The following PTPRK variants were observed in gnomAD, a reference collection of about 807,000 sequenced individuals.
PTPRK encodes protein tyrosine phosphatase receptor type K.
Under a neutral mutation model 178.0 loss-of-function variants are expected in PTPRK, and 75 were observed. The ratio of observed to expected loss-of-function variants is 0.42; its 90% CI spans 0.35 to 0.51. PTPRK has a LOEUF of 0.51. Ranked by LOEUF, PTPRK falls within the 20% of genes least tolerant of loss-of-function variation. The pLI, the probability that PTPRK is intolerant of heterozygous loss-of-function variation, is 0.02. For missense variants in PTPRK, 1,441 were observed against 1,797.8 expected, an observed-to-expected ratio of 0.80 and a Z score of 3.59; for synonymous variants, 637 against 620.6, an observed-to-expected ratio of 1.03 and a Z score of -0.39.
chr6:128,312,375 G>A (rs1358280367), intron 3 of PTPRK, among the ~76,000 whole-genome samples: 1 of 152,198 alleles, frequency 6.6e-6, no homozygotes, highest in East Asian at 1.9e-4. Context: ...GGTTCCTGTG[G>A]AAGCCAACTG....
chr6:127,980,490 T>TAA (rs1238201731), intron 25 of PTPRK, among the ~76,000 whole-genome samples: 1 of 140,358 alleles, frequency 7.1e-6, no homozygotes, highest in Non-Finnish European at 1.6e-5. Flanking sequence ...AGACTCTGTC[T>TAA]AAAAAAAAAA....
chr6:128,205,444 GA>G (rs1266611082), intron 6 of PTPRK, among the ~76,000 whole-genome samples: 7 of 151,946 alleles, frequency 4.6e-5, no homozygotes, highest in Non-Finnish European at 8.8e-5. Context: ...CAAAAGGAAA[GA>G]AAGTGAAGAA....
intron 2 of PTPRK, among the ~76,000 whole-genome samples, chr6:128,393,766 T>C (rs1839929811): frequency 6.6e-6 from 1 of 152,240 alleles, no homozygotes; most frequent in Non-Finnish European, 1.5e-5. Flanking sequence ...TATCTTTTGT[T>C]CTAATCCATG....
intron 2 of PTPRK, among the ~76,000 whole-genome samples, chr6:128,383,479 A>G (rs1171798140): frequency 6.6e-6 from 1 of 152,238 alleles, no homozygotes; most frequent in Non-Finnish European, 1.5e-5. Flanking sequence ...TAGTGCATTA[A>G]CAACAGTTAA....
chr6:128,461,422 C>T (rs1442386679), intron 1 of PTPRK, among the ~76,000 whole-genome samples: 1 of 152,118 alleles, frequency 6.6e-6, no homozygotes, highest in Non-Finnish European at 1.5e-5. Context: ...AAATTTTGCA[C>T]ACACACCAAT....
intron 14 of PTPRK, among the ~76,000 whole-genome samples, chr6:128,008,293 A>G (rs140492587): frequency 2.9e-4 from 44 of 150,536 alleles, no homozygotes; most frequent in African/African-American, 1.0e-3. Context: ...AACCACTTCT[A>G]TACACCAAAC....
At chr6:128,497,310 T>TA (rs1854823688) in intron 1 of PTPRK, among the ~76,000 whole-genome samples, 1 of 152,120 alleles carries the variant, frequency 6.6e-6, no homozygotes, top group South Asian at 2.1e-4. Flanking sequence ...TATATATACT[T>TA]AAAAAATAAC....
At chr6:128,347,835 A>G (rs1188865638) in intron 2 of PTPRK, among the ~76,000 whole-genome samples, 1 of 152,134 alleles carries the variant, frequency 6.6e-6, no homozygotes, top group Admixed American at 6.6e-5. Context: ...TAACACTCCG[A>G]TCTCTACGTT....
At chr6:128,239,130 T>G (rs547671099) in intron 5 of PTPRK, among the ~76,000 whole-genome samples, 17 of 150,842 alleles carry the variant, frequency 1.1e-4, no homozygotes, top group African/African-American at 1.9e-4. Context: ...ATCTTGTTTT[T>G]TTTTTTTTTT....
chr6:128,156,260 T>C (rs1423046922), intron 7 of PTPRK, among the ~76,000 whole-genome samples: 1 of 151,902 alleles, frequency 6.6e-6, no homozygotes, highest in Non-Finnish European at 1.5e-5. Context: ...CAAGCTTTGA[T>C]AATAATCTGG....
chr6:128,355,438 T>C (rs534035954), intron 2 of PTPRK, among the ~76,000 whole-genome samples: 1 of 152,330 alleles, frequency 6.6e-6, no homozygotes, highest in East Asian at 1.9e-4. Flanking sequence ...TTTTGTGCCT[T>C]TAACACACAT....
chr6:128,199,128 C>T (rs938698876), intron 6 of PTPRK, among the ~76,000 whole-genome samples: 1 of 152,038 alleles, frequency 6.6e-6, no homozygotes, highest in African/African-American at 2.4e-5. Flanking sequence ...ACGTGCTACC[C>T]CAAAATGATC....
chr6:128,201,499 T>G (rs1357233760), intron 6 of PTPRK, among the ~76,000 whole-genome samples: 4 of 152,152 alleles, frequency 2.6e-5, no homozygotes, highest in African/African-American at 9.7e-5. Context: ...TAGTTTCAAA[T>G]ATAAACTACA....
At chr6:128,329,279 T>C (rs1214010187) in intron 2 of PTPRK, among the ~76,000 whole-genome samples, 4 of 151,780 alleles carry the variant, frequency 2.6e-5, no homozygotes, top group Non-Finnish European at 5.9e-5. Flanking sequence ...TTCACCAGAG[T>C]GTTGGATGTC....
In PTPRK at chr6:128,200,714, AAAAT is replaced by A. The variant is rs375235244; in HGVS notation, c.869-15993_869-15990del. ...GACAGAGAGAGACCCTGTCAAAAGT[AAAAT>A]AAATAAATAAAAGTTTTCTAATGCT... On this transcript the variant is annotated intron_variant, in intron 6 of 29. Coordinates refer to ENST00000368226, the MANE Select transcript of PTPRK (RefSeq NM_002844.4). 6.0e-4 allele frequency among the ~76,000 whole-genome samples: 91 copies of A among 151,542 alleles called. 3 individuals are homozygous for A. In the South Asian group the frequency reaches 0.019, roughly 32 times the overall value.
chr6:128,080,731 G>A (rs535592016), intron 10 of PTPRK, among the ~76,000 whole-genome samples: 14 of 151,800 alleles, frequency 9.2e-5, no homozygotes, highest in East Asian at 5.8e-4. Context: ...TGTAATTACC[G>A]GACTCAGGGA....
intron 7 of PTPRK, among the ~76,000 whole-genome samples, chr6:128,134,168 T>C (rs1288193799): frequency 1.3e-5 from 2 of 152,204 alleles, no homozygotes; most frequent in African/African-American, 4.8e-5. Context: ...AACTATATAA[T>C]ACAAAACAAA....
intron 18 of PTPRK, among the ~76,000 whole-genome samples, chr6:127,994,348 T>C (rs1776913397): frequency 6.6e-6 from 1 of 151,784 alleles, no homozygotes; most frequent in African/African-American, 2.4e-5. Flanking sequence ...ATACATATTG[T>C]GAATCAATTT....
intron 3 of PTPRK, among the ~76,000 whole-genome samples, chr6:128,269,348 A>G (rs1380617404): frequency 6.6e-6 from 1 of 151,942 alleles, no homozygotes; most frequent in Non-Finnish European, 1.5e-5. Context: ...CCAGCAGCCA[A>G]AAAGCCAGAG....
Sources: gnomAD v4.1 joint callset for allele counts (sites outside exome capture counted in the v4.1 genomes callset) on GRCh38, gnomAD v4.1.1 for gene constraint, MANE v1.5 for transcripts, NCBI Gene and HGNC (gene_info 2026-07-23, HGNC 2026-07-21) for gene names.